EXPH5: variants seen among roughly 807,000 people sequenced by gnomAD.
EXPH5 encodes the protein exophilin 5.
In EXPH5, 42 loss-of-function variants were observed where a neutral mutation model predicts 41.1. The observed-to-expected ratio is 1.02, with a 90% CI of 0.80 to 1.32. The LOEUF is 1.32. Ranked by LOEUF, EXPH5 falls within the 40% of genes most tolerant of loss-of-function variation. The pLI, the probability that EXPH5 is intolerant of heterozygous loss-of-function variation, is 0.00. For synonymous variants in EXPH5, 798 were observed against 833.5 expected, an observed-to-expected ratio of 0.96 and a Z score of 0.73; for missense variants, 2,298 against 2,314.5, an observed-to-expected ratio of 0.99 and a Z score of 0.15.
chr11:108,571,795 T>G (rs762015853), intron 1 of EXPH5, among the ~76,000 whole-genome samples: 1 of 152,100 alleles, frequency 6.6e-6, no homozygotes, highest in Non-Finnish European at 1.5e-5. Flanking sequence ...GGGCGGTGGC[T>G]CACGCTTGTA....
the EXPH5 span, among the ~76,000 whole-genome samples, chr11:108,603,205 T>G: frequency 9.2e-5 from 14 of 152,320 alleles, 1 homozygote; most frequent in South Asian, 2.9e-3. Context: ...TCTCAGGTAG[T>G]TCTTTATAGC....
chr11:108,514,797 C>A lies in EXPH5; in HGVS notation c.710G>T (p.Gly237Val). ...AAAGTGACCGAACTGTGTTCTTGAT[C>A]CATAGTTGAGGGGTGTTCTGGTATT... ...SVNTRTPLNY[G>V]SRTQFGHFYS... Residue 237 changes from glycine to valine, a missense_variant, in exon 6 of 6, where the codon GGA (glycine) becomes GTA (valine). Transcript: ENST00000265843. 6.2e-7 allele frequency: 1 copy of A among 1,603,156 alleles called. No homozygotes were observed. Among genetic ancestry groups the A allele is most frequent in the South Asian group, 1.1e-5 (1 of 88,324 alleles).
intron 2 of EXPH5, among the ~76,000 whole-genome samples, chr11:108,539,530 A>G (rs978549888): frequency 3.9e-5 from 6 of 152,198 alleles, no homozygotes; most frequent in Admixed American, 3.9e-4. Flanking sequence ...AGAAGTTTTT[A>G]TTTCAGTACC....
rs545413213 is a variant in EXPH5, at chr11:108,527,556, A to G, written c.492+580T>C. Among the ~76,000 whole-genome samples the G allele has an allele frequency of 3.3e-5, 5 of 152,336 alleles. No individual in the cohort carries two copies. In the East Asian group the frequency reaches 9.6e-4, roughly 29 times the overall value. Reference sequence around the variant, plus strand: ...CTTTTATCTCCAAACCATACGAGTTACACAGGAAGACACAGGAATGTGTAG... The same window carrying G: ...CTTTTATCTCCAAACCATACGAGTTGCACAGGAAGACACAGGAATGTGTAG... On this transcript the variant is annotated intron_variant, in intron 4 of 5. Coordinates refer to ENST00000265843, the MANE Select transcript of EXPH5 (RefSeq NM_015065.3).
In EXPH5 at chr11:108,557,472, C is replaced by T. The variant is rs566040227; in HGVS notation, c.120-15660G>A. 9.2e-5 allele frequency among the ~76,000 whole-genome samples: 14 copies of T among 152,268 alleles called. No homozygotes were observed. The South Asian group carries it at 1.2e-3, about 14-fold the overall frequency. On this transcript the variant is annotated intron_variant, in intron 1 of 5. Transcript: ENST00000265843. ...AATTCTCGTGTCTCAGCCTCCCTAG[C>T]ATAGCTGGGATTCCAGGCGCCTGCC...
At chr11:108,529,926 C>T (rs1027895061) in intron 3 of EXPH5, among the ~76,000 whole-genome samples, 3 of 151,048 alleles carry the variant, frequency 2.0e-5, no homozygotes, top group African/African-American at 7.3e-5. Context: ...ACTGACAGAA[C>T]AGTAATGGGG....
intron 1 of EXPH5, among the ~76,000 whole-genome samples, chr11:108,560,102 T>C (rs1184501593): frequency 2.0e-5 from 3 of 152,136 alleles, no homozygotes; most frequent in Non-Finnish European, 4.4e-5. Flanking sequence ...TCAATCTTTG[T>C]GTTAGGATGC....
At chr11:108,577,998 A>G (rs966213299) in intron 1 of EXPH5, among the ~76,000 whole-genome samples, 1 of 152,102 alleles carries the variant, frequency 6.6e-6, no homozygotes, top group African/African-American at 2.4e-5. Context: ...TTGTCTCTTC[A>G]TGATGTTGAT....
chr11:108,545,341 C>T (rs1000187083), intron 1 of EXPH5, among the ~76,000 whole-genome samples: 6 of 152,026 alleles, frequency 3.9e-5, no homozygotes, highest in African/African-American at 1.4e-4. Flanking sequence ...ATTCAATATA[C>T]GTTTGTGGAA....
chr11:108,528,059 A>G (rs1018010545), intron 4 of EXPH5, 77 bp downstream of exon 4: 1 of 885,812 alleles, frequency 1.1e-6, no homozygotes, highest in East Asian at 2.4e-5. Context: ...GGGGAATACT[A>G]CTGAAATAGG....
chr11:108,593,207 A>AT (rs1341366342), intron 1 of EXPH5, among the ~76,000 whole-genome samples: 1 of 144,202 alleles, frequency 6.9e-6, no homozygotes, highest in Non-Finnish European at 1.5e-5. Context: ...CCCGTCTGGT[A>AT]TGTGGTGGGT....
chr11:108,532,339 G>GAGATATATATATATATATATAT (rs1471861001), intron 3 of EXPH5, among the ~76,000 whole-genome samples: 2 of 23,444 alleles, frequency 8.5e-5, no homozygotes, highest in Non-Finnish European at 1.5e-4. Flanking sequence ...CACCACACTG[G>GAGATATATATATATATATATAT]ATATATATAT....
At position 108,593,624 on chromosome 11, in the gene EXPH5, G is replaced by C; in HGVS notation, c.-88C>G. ...TCAACCTGTACAAGACCAGTTTCAC[G>C]AACTTGATCCCACAGCCAATAATAA... On this transcript the variant is annotated 5_prime_UTR_variant, in exon 1 of 6. Coordinates refer to ENST00000265843, the MANE Select transcript of EXPH5 (RefSeq NM_015065.3). 6.2e-7 allele frequency: 1 copy of C among 1,605,762 alleles called. No homozygotes were observed. The highest frequency in any genetic ancestry group is 2.2e-5 in the East Asian group (1 of 44,816).
At position 108,513,307 on chromosome 11, in the gene EXPH5, C is replaced by T. The variant is rs1357272362; in HGVS notation, c.2200G>A (p.Gly734Arg). ...AAATCAGGTAAAGAGTTTGAGATCCCTGTCTGTGAAACAGGTTGGGGTATT... is the reference window on the plus strand; with the variant it reads ...AAATCAGGTAAAGAGTTTGAGATCCTTGTCTGTGAAACAGGTTGGGGTATT... ...GEIPQPVSQT[G>R]ISNSLPDFQN... is the part of the protein sequence containing the mutation. Residue 734 changes from glycine to arginine, a missense_variant, in exon 6 of 6, where the codon GGG becomes AGG. Transcript: ENST00000265843. The T allele has an allele frequency of 6.2e-7, 1 of 1,613,014 alleles. No individual in the cohort carries two copies. Among genetic ancestry groups the T allele is most frequent in the Admixed American group, 1.7e-5 (1 of 59,862 alleles).
chr11:108,569,128 T>C (rs919710866), intron 1 of EXPH5, among the ~76,000 whole-genome samples: 2 of 152,146 alleles, frequency 1.3e-5, no homozygotes, highest in Non-Finnish European at 2.9e-5. Flanking sequence ...CTTTCACATC[T>C]TTATGGCTTG....
At chr11:108,574,930 G>T (rs1399226575) in intron 1 of EXPH5, among the ~76,000 whole-genome samples, 6 of 152,222 alleles carry the variant, frequency 3.9e-5, no homozygotes. Flanking sequence ...GCGTTACAAA[G>T]GCACCATTCT....
At chr11:108,520,356 A>G (rs1716872172) in intron 4 of EXPH5, among the ~76,000 whole-genome samples, 1 of 152,006 alleles carries the variant, frequency 6.6e-6, no homozygotes, top group Non-Finnish European at 1.5e-5. Flanking sequence ...TGGTGCCAAA[A>G]ACGGTGGGGA....
the EXPH5 span, among the ~76,000 whole-genome samples, chr11:108,600,484 C>A: frequency 2.0e-5 from 3 of 151,942 alleles, no homozygotes; most frequent in Non-Finnish European, 4.4e-5. Context: ...GCACAGTATG[C>A]GGATGATAGT....
intron 1 of EXPH5, among the ~76,000 whole-genome samples, chr11:108,581,716 T>C (rs1330939949): frequency 1.3e-5 from 2 of 151,602 alleles, no homozygotes; most frequent in African/African-American, 4.9e-5. Flanking sequence ...AAAAAGCAGG[T>C]CCTTTGAAAA....
Sources: allele counts gnomAD v4.1 joint callset (sites outside exome capture counted in the v4.1 genomes callset), GRCh38; gene constraint gnomAD v4.1.1; transcripts MANE v1.5; gene names NCBI Gene and HGNC (gene_info 2026-07-23, HGNC 2026-07-21).